The following MEIS2 variants were observed in gnomAD, a reference collection of about 807,000 sequenced individuals.
MEIS2 encodes homeobox protein Meis2.
MEIS2 carries 9 observed loss-of-function variants against 58.6 expected under a neutral mutation model. The ratio of observed to expected loss-of-function variants is 0.15; its 90% CI spans 0.09 to 0.27. The LOEUF is 0.27. MEIS2 is among the 10% of genes least tolerant of loss of function. The probability of loss-of-function intolerance (pLI) is 1.00; values close to 1 mark genes in which losing one functional copy is unlikely to be tolerated. For missense variants in MEIS2, 427 were observed against 635.0 expected (o/e 0.67, Z 3.52); for synonymous variants, 221 against 228.4 (o/e 0.97, Z 0.29).
intron 8 of MEIS2, among the ~76,000 whole-genome samples, chr15:36,983,085 A>G (rs1208005493): frequency 6.6e-6 from 1 of 152,046 alleles, no homozygotes; most frequent in African/African-American, 2.4e-5. Flanking sequence ...ATTTTCTCCA[A>G]TTCCTATAGG....
intron 8 of MEIS2, among the ~76,000 whole-genome samples, chr15:36,956,054 G>A (rs1164556542): frequency 4.2e-5 from 6 of 144,148 alleles, no homozygotes; most frequent in South Asian, 2.2e-4. Context: ...AAAATTAGCC[G>A]GGCGTGGTGG....
intron 8 of MEIS2, among the ~76,000 whole-genome samples, chr15:37,007,587 G>A (rs1478718046): frequency 6.6e-6 from 1 of 152,016 alleles, no homozygotes; most frequent in Non-Finnish European, 1.5e-5. Flanking sequence ...ACACACCTTG[G>A]AACTTCCTCA....
intron 8 of MEIS2, among the ~76,000 whole-genome samples, chr15:36,989,711 C>T (rs1446912321): frequency 6.6e-6 from 1 of 152,212 alleles, no homozygotes; most frequent in Non-Finnish European, 1.5e-5. Flanking sequence ...CGGGCTAACT[C>T]ATGTTTACAG....
intron 7 of MEIS2, among the ~76,000 whole-genome samples, chr15:37,054,520 G>A (rs76128918): frequency 0.014 from 2,115 of 152,248 alleles, 26 homozygotes; most frequent in Non-Finnish European, 0.019. Context: ...AGGCTTAAGC[G>A]ATCCACCCAC....
chr15:37,095,322 C>A (rs1012881225), intron 4 of MEIS2, among the ~76,000 whole-genome samples: 4 of 152,182 alleles, frequency 2.6e-5, no homozygotes, highest in Non-Finnish European at 4.4e-5. Flanking sequence ...ATCCCCTGCT[C>A]GCGCTCTCGG....
chr15:36,903,596 A>G (rs576312382), intron 9 of MEIS2, among the ~76,000 whole-genome samples: 1 of 152,336 alleles, frequency 6.6e-6, no homozygotes, highest in South Asian at 2.1e-4. Context: ...CTCTATCAAC[A>G]TAAAAAGCAG....
intron 8 of MEIS2, among the ~76,000 whole-genome samples, chr15:36,984,912 T>C (rs1350193242): frequency 3.3e-5 from 5 of 152,174 alleles, no homozygotes; most frequent in Admixed American, 3.3e-4. Context: ...ATCTTTTGTA[T>C]TTCTGTGGTA....
Position 36,892,056 on chromosome 15 carries a change from G to T in MEIS2, c.*117C>A. 8.6e-7 allele frequency: 1 copy of T among 1,166,554 alleles called. No homozygotes were observed. The highest frequency in any genetic ancestry group is 1.2e-6 in the Non-Finnish European group (1 of 808,734). The allele number at this position is 1,166,554 out of a possible 1,614,324, so 72.3% of individuals were successfully genotyped here. ...TGTTGCTTGATGAAAAATGACAAAA[G>T]TAAAAAATAATCACAGCTGTCTGGA... On this transcript the variant is annotated 3_prime_UTR_variant, in exon 12 of 12. Coordinates refer to ENST00000561208, the MANE Select transcript of MEIS2 (RefSeq NM_170675.5).
chr15:36,895,684 G>A (rs923967622), intron 10 of MEIS2, among the ~76,000 whole-genome samples: 5 of 152,128 alleles, frequency 3.3e-5, no homozygotes, highest in African/African-American at 1.2e-4. Context: ...ATTTCACAAG[G>A]TTAAATAGAC....
intron 9 of MEIS2, among the ~76,000 whole-genome samples, chr15:36,923,618 T>C (rs2057612980): frequency 6.6e-6 from 1 of 152,200 alleles, no homozygotes; most frequent in South Asian, 2.1e-4. Context: ...TGAGATTCTT[T>C]AGTATGACCA....
intron 9 of MEIS2, among the ~76,000 whole-genome samples, chr15:36,939,772 T>C (rs538130681): frequency 6.6e-6 from 1 of 152,198 alleles, no homozygotes; most frequent in Non-Finnish European, 1.5e-5. Flanking sequence ...AAATTTTTAT[T>C]GTATAAAGAT....
At chr15:36,924,792 C>A (rs2141308440) in intron 9 of MEIS2, among the ~76,000 whole-genome samples, 1 of 152,304 alleles carries the variant, frequency 6.6e-6, no homozygotes, top group African/African-American at 2.4e-5. Flanking sequence ...GTTTCCCTGA[C>A]AAAGAAGTGG....
intron 8 of MEIS2, among the ~76,000 whole-genome samples, chr15:37,019,112 C>G (rs1595937382): frequency 1.3e-5 from 2 of 152,078 alleles, no homozygotes; most frequent in Admixed American, 1.3e-4. Flanking sequence ...GAGAGATAGA[C>G]TGTTTTACAT....
chr15:36,905,005 C>T (rs2056660861), intron 9 of MEIS2, among the ~76,000 whole-genome samples: 1 of 151,726 alleles, frequency 6.6e-6, no homozygotes, highest in Non-Finnish European at 1.5e-5. Flanking sequence ...AAGTCATCAG[C>T]CACATGTATG....
intron 9 of MEIS2, among the ~76,000 whole-genome samples, chr15:36,943,285 A>G (rs1201460840): frequency 2.6e-5 from 4 of 152,154 alleles, no homozygotes; most frequent in African/African-American, 9.7e-5. Context: ...TGAGATGGAT[A>G]AAGGACTTAT....
chr15:36,984,328 CTTCT>C (rs939475783), intron 8 of MEIS2, among the ~76,000 whole-genome samples: 5 of 151,694 alleles, frequency 3.3e-5, no homozygotes, highest in African/African-American at 9.7e-5. Flanking sequence ...TCAAATACTT[CTTCT>C]TTATCTACTG....
At chr15:36,903,178 C>G (rs1482964790) in intron 9 of MEIS2, among the ~76,000 whole-genome samples, 1 of 152,166 alleles carries the variant, frequency 6.6e-6, no homozygotes, top group Non-Finnish European at 1.5e-5. Flanking sequence ...TACAATCACA[C>G]TTGATGGCAT....
At chr15:36,966,848 G>C (rs1158555132) in intron 8 of MEIS2, among the ~76,000 whole-genome samples, 2 of 151,138 alleles carry the variant, frequency 1.3e-5, no homozygotes, top group Non-Finnish European at 2.9e-5. Flanking sequence ...ATTTTGAGAA[G>C]GTGACATTTG....
chr15:37,095,996 G>T (rs1457867652), intron 3 of MEIS2: 1 of 434,934 alleles, frequency 2.3e-6, no homozygotes, highest in East Asian at 3.8e-5. Flanking sequence ...CCCAATTCTT[G>T]TTCAAGTAGC....
Sources: allele counts gnomAD v4.1 joint callset (sites outside exome capture counted in the v4.1 genomes callset), GRCh38; gene constraint gnomAD v4.1.1; transcripts MANE v1.5; gene names NCBI Gene and HGNC (gene_info 2026-07-23, HGNC 2026-07-21).